GSE1: variants seen among roughly 807,000 people sequenced by gnomAD.
GSE1 encodes Gse1 coiled-coil protein.
In GSE1, 32 loss-of-function variants were observed where a neutral mutation model predicts 112.6. That is an observed-to-expected ratio of 0.28 (90% CI 0.21 to 0.38). The LOEUF is 0.38. GSE1 is among the 10% of genes least tolerant of loss of function. The pLI is 1.00. For missense variants in GSE1, 2,348 were observed against 1,699.2 expected, an observed-to-expected ratio of 1.38 and a Z score of -6.71; for synonymous variants, 1,115 against 735.6, an observed-to-expected ratio of 1.52 and a Z score of -8.35.
At chr16:85,402,581 G>C (rs1052137994) in intron 2 of GSE1, among the ~76,000 whole-genome samples, 4 of 152,216 alleles carry the variant, frequency 2.6e-5, no homozygotes, top group African/African-American at 9.6e-5. Context: ...AAGAGAGCTT[G>C]TCGGGAGCGC....
rs949921065 is a variant in GSE1 at position 85,476,794 on chromosome 16, G to A, written c.2464+119151G>A. 3.3e-3 allele frequency among the ~76,000 whole-genome samples: 453 copies of A among 138,618 alleles called. 2 individuals carry two copies. Among genetic ancestry groups the A allele is most frequent in the African/African-American group, 0.013 (427 of 34,028 alleles). 90.9% of individuals were successfully genotyped at this position (138,618 alleles called of 152,430 possible). On this transcript the variant is annotated intron_variant, in intron 2 of 2. Transcript: ENST00000637419. The stretch of plus-strand genomic sequence containing the variant: ...TGACCATTTTTTTTTTTTTTTTTAA[G>A]CAGAGACAGGGTTTCACTGTGTTGC...
intron 2 of GSE1, among the ~76,000 whole-genome samples, chr16:85,456,308 G>A (rs76521437): frequency 6.6e-6 from 1 of 152,214 alleles, no homozygotes; most frequent in Non-Finnish European, 1.5e-5. Flanking sequence ...GTGGGAGAGA[G>A]AGAGGGCATT....
intron 1 of GSE1, among the ~76,000 whole-genome samples, chr16:85,328,910 C>G (rs1343099949): frequency 1.3e-5 from 2 of 152,224 alleles, no homozygotes; most frequent in African/African-American, 4.8e-5. Context: ...GCCCCCGCAG[C>G]CTGGCAGAGG....
intron 1 of GSE1, among the ~76,000 whole-genome samples, chr16:85,200,949 G>A (rs1405153789): frequency 1.3e-5 from 2 of 152,154 alleles, no homozygotes; most frequent in East Asian, 1.9e-4. Context: ...GGCCAGAGAC[G>A]AACTGACCCT....
intron 1 of GSE1, chr16:85,285,386 T>G (rs574849275): frequency 1.3e-5 from 2 of 152,268 alleles, no homozygotes; most frequent in African/African-American, 2.4e-5. Flanking sequence ...AACCCCGAGC[T>G]TGTAAGAAAG....
intron 1 of GSE1, among the ~76,000 whole-genome samples, chr16:85,286,541 C>A (rs953007184): frequency 1.3e-5 from 2 of 152,146 alleles, no homozygotes; most frequent in African/African-American, 4.8e-5. Flanking sequence ...TATTGTAGTG[C>A]GGCTGGCCCG....
chr16:85,383,857 G>A (rs1327603252), intron 2 of GSE1, among the ~76,000 whole-genome samples: 1 of 152,188 alleles, frequency 6.6e-6, no homozygotes, highest in Non-Finnish European at 1.5e-5. Flanking sequence ...CAGAGCTTGG[G>A]GTCAGAGTGG....
intron 1 of GSE1, among the ~76,000 whole-genome samples, chr16:85,616,114 C>A (rs975871288): frequency 6.6e-6 from 1 of 152,266 alleles, no homozygotes; most frequent in South Asian, 2.1e-4. Context: ...AGAGCCAAGT[C>A]TGCACAGCGC....
chr16:85,614,438 G>A (rs2048236170), intron 1 of GSE1, among the ~76,000 whole-genome samples: 1 of 152,144 alleles, frequency 6.6e-6, no homozygotes, highest in Non-Finnish European at 1.5e-5. Context: ...CCTCCCCAGC[G>A]CCGGGTGGGG....
chr16:85,597,080 C>A (rs953393674), intron 1 of GSE1, among the ~76,000 whole-genome samples: 2 of 151,768 alleles, frequency 1.3e-5, no homozygotes, highest in Admixed American at 6.6e-5. Flanking sequence ...TGGGTTCAAG[C>A]AATCCTCCCT....
chr16:85,640,274 C>G (rs923978234), intron 2 of GSE1, among the ~76,000 whole-genome samples: 1 of 152,200 alleles, frequency 6.6e-6, no homozygotes, highest in South Asian at 2.1e-4. Context: ...GCCGGGGGCT[C>G]ATGGTACCTG....
intron 2 of GSE1, among the ~76,000 whole-genome samples, chr16:85,416,732 G>T (rs754194856): frequency 6.6e-6 from 1 of 152,268 alleles, no homozygotes; most frequent in Non-Finnish European, 1.5e-5. Flanking sequence ...GGAATTACAG[G>T]TTCCCTGGGT....
intron 2 of GSE1, among the ~76,000 whole-genome samples, chr16:85,466,033 C>G (rs897354954): frequency 6.6e-6 from 1 of 152,202 alleles, no homozygotes; most frequent in African/African-American, 2.4e-5. Flanking sequence ...GCGGTGTGGA[C>G]CCAGCCTAAG....
chr16:85,481,805 C>A (rs2050688820), intron 2 of GSE1, among the ~76,000 whole-genome samples: 1 of 152,210 alleles, frequency 6.6e-6, no homozygotes, highest in Admixed American at 6.5e-5. Flanking sequence ...AGAAGATAGT[C>A]CTGTGAGACC....
chr16:85,481,578 T>C (rs1286198412), intron 2 of GSE1, among the ~76,000 whole-genome samples: 4 of 152,172 alleles, frequency 2.6e-5, no homozygotes, highest in Non-Finnish European at 5.9e-5. Flanking sequence ...TCTTCTGTCC[T>C]GTGTGTGTGC....
chr16:85,307,407 A>C (rs1330712253), intron 1 of GSE1, among the ~76,000 whole-genome samples: 2 of 152,194 alleles, frequency 1.3e-5, no homozygotes, highest in African/African-American at 4.8e-5. Flanking sequence ...GCTCAGTTTC[A>C]GTAATTTGTT....
At chr16:85,665,539 T>C (rs2052774403) in intron 12 of GSE1, among the ~76,000 whole-genome samples, 2 of 152,118 alleles carry the variant, frequency 1.3e-5, no homozygotes, top group Non-Finnish European at 2.9e-5. Flanking sequence ...CTCTTTGTCT[T>C]CCTCACTCTG....
intron 1 of GSE1, among the ~76,000 whole-genome samples, chr16:85,302,922 C>T (rs1282997446): frequency 6.6e-6 from 1 of 152,222 alleles, no homozygotes; most frequent in African/African-American, 2.4e-5. Flanking sequence ...CTCAGTGGGT[C>T]TTCCACAAGG....
intron 1 of GSE1, among the ~76,000 whole-genome samples, chr16:85,244,500 G>A (rs1905426135): frequency 6.6e-6 from 1 of 152,150 alleles, no homozygotes; most frequent in Non-Finnish European, 1.5e-5. Context: ...ATTAATTTTA[G>A]GACACTAAGT....
Sources: gnomAD v4.1 joint callset for allele counts (sites outside exome capture counted in the v4.1 genomes callset) on GRCh38, gnomAD v4.1.1 for gene constraint, MANE v1.5 for transcripts, NCBI Gene and HGNC (gene_info 2026-07-23, HGNC 2026-07-21) for gene names.